Variants in LYPD6 observed in about 807,000 individuals in gnomAD.
LYPD6 encodes the protein LY6/PLAUR domain containing 6.
LYPD6 carries 15 observed loss-of-function variants against 22.7 expected under a neutral mutation model. That is an observed-to-expected ratio of 0.66 (90% CI 0.44 to 1.02). LYPD6 has a LOEUF of 1.02. Ranked by LOEUF, LYPD6 falls within the 50% of genes least tolerant of loss-of-function variation. The pLI is 0.00. For synonymous variants in LYPD6, 72 were observed against 77.5 expected, an observed-to-expected ratio of 0.93 and a Z score of 0.37; for missense variants, 189 against 208.4, an observed-to-expected ratio of 0.91 and a Z score of 0.57.
intron 1 of LYPD6, among the ~76,000 whole-genome samples, chr2:149,351,605 T>A (rs1270919694): frequency 2.6e-5 from 4 of 152,200 alleles, no homozygotes; most frequent in Non-Finnish European, 4.4e-5. Context: ...ATTATTATTT[T>A]AAAAATTTAA....
intron 1 of LYPD6, among the ~76,000 whole-genome samples, chr2:149,342,410 T>C (rs1681181010): frequency 6.6e-6 from 1 of 152,222 alleles, no homozygotes; most frequent in South Asian, 2.1e-4. Flanking sequence ...TATTCGTGTG[T>C]AATTTCTTTA....
At chr2:149,396,453 G>A (rs759240744) in intron 1 of LYPD6, among the ~76,000 whole-genome samples, 28 of 151,860 alleles carry the variant, frequency 1.8e-4, no homozygotes, top group Admixed American at 1.2e-3. Flanking sequence ...CTTGAAGTTT[G>A]CCTCTTATTT....
chr2:149,393,668 T>C (rs373908011), intron 1 of LYPD6, among the ~76,000 whole-genome samples: 32 of 152,330 alleles, frequency 2.1e-4, no homozygotes, highest in African/African-American at 7.2e-4. Flanking sequence ...GCTACCTTTT[T>C]GGACTGCATT....
intron 3 of LYPD6, among the ~76,000 whole-genome samples, chr2:149,468,013 A>G (rs780951050): frequency 6.6e-6 from 1 of 152,080 alleles, no homozygotes; most frequent in South Asian, 2.1e-4. Flanking sequence ...AAGCTCCTCA[A>G]TTTTGGAAAA....
At chr2:149,334,404 G>C (rs1293420742) in intron 1 of LYPD6, among the ~76,000 whole-genome samples, 1 of 152,196 alleles carries the variant, frequency 6.6e-6, no homozygotes, top group Non-Finnish European at 1.5e-5. Context: ...TGAATTCTTT[G>C]CTTCTGTTTT....
chr2:149,448,289 GAAAAA>G (rs1332069739), intron 2 of LYPD6, among the ~76,000 whole-genome samples: 2 of 151,814 alleles, frequency 1.3e-5, no homozygotes, highest in Admixed American at 1.3e-4. Flanking sequence ...GTGAAACTCA[GAAAAA>G]AAGAAAAGAA....
chr2:149,437,785 G>T lies in LYPD6; in HGVS notation c.77G>T (p.Arg26Leu). 1 of 1,614,078 alleles carries T rather than the reference G, an allele frequency of 6.2e-7. No homozygotes were observed. The highest frequency in any genetic ancestry group is 8.5e-7 in the Non-Finnish European group (1 of 1,179,998). Residue 26 changes from arginine to leucine, a missense_variant, in exon 2 of 5, where the codon CGA becomes CTA. By Grantham distance (102) the Arg-to-Leu change is moderately radical (BLOSUM62 -2). Transcript: ENST00000334166. ...LADCLKAAQS[R>L]DFTVKDIIYL... ...GATTGTCTGAAAGCTGCTCAGTCCC[G>T]AGACTTCACAGTGAAAGACATTATC...
chr2:149,431,751 TA>T (rs1277170098), intron 1 of LYPD6, among the ~76,000 whole-genome samples: 3 of 152,158 alleles, frequency 2.0e-5, no homozygotes, highest in African/African-American at 4.8e-5. Context: ...AATCTGTTTA[TA>T]AAAAATAATG....
chr2:149,356,908 A>G (rs536269818), intron 1 of LYPD6, among the ~76,000 whole-genome samples: 2 of 152,226 alleles, frequency 1.3e-5, no homozygotes, highest in African/African-American at 4.8e-5. Context: ...TTGTTTACTG[A>G]TTTGTTTTCA....
At chr2:149,338,573 A>G (rs1681101851) in intron 1 of LYPD6, among the ~76,000 whole-genome samples, 1 of 152,138 alleles carries the variant, frequency 6.6e-6, no homozygotes, top group Non-Finnish European at 1.5e-5. Flanking sequence ...CCATGTGAGG[A>G]CACAGCAACA....
At chr2:149,408,350 C>T (rs935880501) in intron 1 of LYPD6, among the ~76,000 whole-genome samples, 2 of 152,172 alleles carry the variant, frequency 1.3e-5, no homozygotes, top group African/African-American at 2.4e-5. Context: ...TTCGTTCCTT[C>T]GTCTTGACTT....
At chr2:149,332,739 C>G (rs1479455483) in intron 1 of LYPD6, among the ~76,000 whole-genome samples, 18 of 152,082 alleles carry the variant, frequency 1.2e-4, no homozygotes, top group Admixed American at 1.2e-3. Context: ...CTGTTTAACC[C>G]ATAGCTTGAG....
At chr2:149,476,383 G>C (rs1321358847), downstream of LYPD6, among the ~76,000 whole-genome samples, 2 of 152,148 alleles carry the variant, frequency 1.3e-5, no homozygotes, top group Admixed American at 1.3e-4. Flanking sequence ...TAAAAAGGTA[G>C]AATGATGTGT....
At chr2:149,468,132 A>ACACAC (rs1681243964) in intron 3 of LYPD6, among the ~76,000 whole-genome samples, 18 of 114,714 alleles carry the variant, frequency 1.6e-4, no homozygotes, top group South Asian at 3.3e-4. Context: ...GCTTCCCCCC[A>ACACAC]ACACACACAC....
chr2:149,472,317 A>G lies in LYPD6; in HGVS notation c.*1467A>G, dbSNP rs367676132. The G allele has an allele frequency of 5.1e-4, 78 of 152,426 alleles. No individual in the cohort carries two copies. Among genetic ancestry groups the G allele is most frequent in the African/African-American group, 1.8e-3 (76 of 41,574 alleles). The allele number at this position is 152,426 out of a possible 1,614,324, so 9.4% of individuals were successfully genotyped here. On this transcript the variant is annotated 3_prime_UTR_variant, in exon 5 of 5. Transcript: ENST00000334166. ...ATATGTTTGTCTCAAGGATTTTTCC[A>G]TGGTTTCCTCAGTGATGGTGTCCTG...
At chr2:149,349,962 G>A (rs62190579) in intron 1 of LYPD6, among the ~76,000 whole-genome samples, 8,701 of 152,112 alleles carry the variant, frequency 0.057, 314 homozygotes, top group Non-Finnish European at 0.07. Context: ...AAATATATAT[G>A]CTATGTTACC....
In LYPD6 at chr2:149,470,950, C is replaced by G; in HGVS notation, c.*100C>G. On this transcript the variant is annotated 3_prime_UTR_variant, in exon 5 of 5. Coordinates refer to ENST00000334166, the MANE Select transcript of LYPD6 (RefSeq NM_194317.5). ...CCTGACAGTAATTACACATGTGAGA[C>G]ACAACACTCTTGGAGGTCATCACAG... is the stretch of plus-strand genomic sequence containing the variant. 1 of 1,102,766 alleles carries G rather than the reference C, an allele frequency of 9.1e-7. No homozygotes were observed. 68.3% of individuals were successfully genotyped at this position (1,102,766 alleles called of 1,614,324 possible).
At chr2:149,408,129 G>A (rs1682765735) in intron 1 of LYPD6, among the ~76,000 whole-genome samples, 1 of 152,238 alleles carries the variant, frequency 6.6e-6, no homozygotes, top group East Asian at 1.9e-4. Context: ...CGTGTGAGTT[G>A]TCAGTCTGCC....
chr2:149,418,049 TGTG>T (rs1683002411), intron 1 of LYPD6, among the ~76,000 whole-genome samples: 1 of 152,200 alleles, frequency 6.6e-6, no homozygotes, highest in African/African-American at 2.4e-5. Flanking sequence ...TCACTCGTCT[TGTG>T]GTAAGCAGGA....
Sources: gnomAD v4.1 joint callset for allele counts (sites outside exome capture counted in the v4.1 genomes callset) on GRCh38, gnomAD v4.1.1 for gene constraint, MANE v1.5 for transcripts, NCBI Gene and HGNC (gene_info 2026-07-23, HGNC 2026-07-21) for gene names.